The following PNPLA8 variants were observed in gnomAD, a reference collection of about 807,000 sequenced individuals.
The protein encoded by PNPLA8 is calcium-independent phospholipase A2-gamma.
In PNPLA8, 39 loss-of-function variants were observed where a neutral mutation model predicts 76.9. The observed-to-expected ratio is 0.51, with a 90% CI of 0.39 to 0.66. The LOEUF (loss-of-function observed/expected upper bound fraction) is 0.66. Among genes scored for constraint, PNPLA8 ranks in the 30% least tolerant of loss-of-function variants. The probability of loss-of-function intolerance (pLI) is 0.00; values close to 1 mark genes in which losing one functional copy is unlikely to be tolerated. For missense variants in PNPLA8, 887 were observed against 918.0 expected (o/e 0.97, Z 0.44); for synonymous variants, 301 against 307.9 (o/e 0.98, Z 0.24).
intron 2 of PNPLA8, among the ~76,000 whole-genome samples, chr7:108,517,768 C>G (rs1030929104): frequency 1.3e-5 from 2 of 151,936 alleles, no homozygotes; most frequent in African/African-American, 4.8e-5. Flanking sequence ...TATGGGGTGT[C>G]TGTGTGTGTG....
chr7:108,497,583 GA>G lies in PNPLA8; in HGVS notation c.1359-7del. On this transcript the variant is annotated splice_region_variant and splice_polypyrimidine_tract_variant and intron_variant, in intron 5 of 10. Coordinates refer to ENST00000257694, the MANE Select transcript of PNPLA8 (RefSeq NM_001256007.3). ...TCTGGAGAGCAACCACGCCCCTACA[GA>G]AAAGATTAAAGACAAAATGACAATT... 6.5e-7 allele frequency: 1 copy of G among 1,535,214 alleles called. No homozygotes were observed.
At chr7:108,519,840 T>C (rs1264614507) in intron 2 of PNPLA8, among the ~76,000 whole-genome samples, 1 of 152,102 alleles carries the variant, frequency 6.6e-6, no homozygotes, top group Non-Finnish European at 1.5e-5. Flanking sequence ...ACAATTTTAT[T>C]ATTTGCTGCA....
At chr7:108,503,782 A>G (rs1204013857) in intron 4 of PNPLA8, among the ~76,000 whole-genome samples, 2 of 152,170 alleles carry the variant, frequency 1.3e-5, no homozygotes, top group Non-Finnish European at 2.9e-5. Context: ...GGACCAAAAA[A>G]GTGAGTCTGA....
At chr7:108,527,039 C>T (rs1303521401), upstream of PNPLA8, among the ~76,000 whole-genome samples, 1 of 152,186 alleles carries the variant, frequency 6.6e-6, no homozygotes, top group Admixed American at 6.5e-5. Flanking sequence ...GTTGCAATAG[C>T]CCCTTACCCT....
chr7:108,479,335 A>C lies in PNPLA8; in HGVS notation c.1923T>G (p.His641Gln). Reference sequence around the variant, plus strand: ...CATCTGGCCAAAGACATTTACACTCATGCATAGCTAATGCCGAAGGGTTAT... The same window carrying C: ...CATCTGGCCAAAGACATTTACACTCCTGCATAGCTAATGCCGAAGGGTTAT... Reference protein sequence around the residue: ...LLNNPSALAMHECKCLWPDVP... With the variant: ...LLNNPSALAMQECKCLWPDVP... The change falls in exon 10 of 11, where the codon CAT (histidine) becomes CAG (glutamine). Residue 641 changes from histidine to glutamine, a missense_variant. Physicochemically the swap from His to Gln is conservative, Grantham distance 24. Coordinates refer to ENST00000257694, the MANE Select transcript of PNPLA8 (RefSeq NM_001256007.3). 1 of 1,613,730 alleles carries C rather than the reference A, an allele frequency of 6.2e-7. No homozygotes were observed. The highest frequency in any genetic ancestry group is 8.5e-7 in the Non-Finnish European group (1 of 1,179,688).
At chr7:108,496,244 A>C (rs945332572) in intron 7 of PNPLA8, among the ~76,000 whole-genome samples, 1 of 152,170 alleles carries the variant, frequency 6.6e-6, no homozygotes, top group African/African-American at 2.4e-5. Context: ...TCGAAAAACA[A>C]ATAAAAATAA....
intron 10 of PNPLA8, among the ~76,000 whole-genome samples, chr7:108,477,973 G>A (rs982790788): frequency 6.6e-6 from 1 of 152,204 alleles, no homozygotes. Context: ...AACTGGGTAA[G>A]TCAAAGTAAA....
chr7:108,492,307 C>G (rs1191426273), intron 7 of PNPLA8, among the ~76,000 whole-genome samples: 2 of 152,118 alleles, frequency 1.3e-5, no homozygotes, highest in Non-Finnish European at 2.9e-5. Context: ...ATGTAAAATA[C>G]TTTCCAAAAT....
chr7:108,487,649 A>C, intron 9 of PNPLA8, 110 bp downstream of exon 9: 1 of 542,442 alleles, frequency 1.8e-6, no homozygotes, highest in Non-Finnish European at 3.1e-6. Context: ...TGAAGACACA[A>C]AGAAGAAAGT....
intron 6 of PNPLA8, among the ~76,000 whole-genome samples, chr7:108,497,275 T>C (rs948199365): frequency 6.6e-6 from 1 of 152,202 alleles, no homozygotes; most frequent in South Asian, 2.1e-4. Context: ...GCTGATTCCA[T>C]ATCTAGCTAT....
chr7:108,525,920 G>C (rs1864045110), intron 1 of PNPLA8, 109 bp downstream of exon 1: 2 of 373,494 alleles, frequency 5.4e-6, no homozygotes, highest in Non-Finnish European at 7.4e-6. Flanking sequence ...CCTCTCGCTC[G>C]GGAAGTGCCC....
intron 1 of PNPLA8, among the ~76,000 whole-genome samples, chr7:108,524,070 T>C (rs1054289343): frequency 6.6e-6 from 1 of 152,180 alleles, no homozygotes; most frequent in Non-Finnish European, 1.5e-5. Flanking sequence ...CAGTGGGACA[T>C]TCAAATGGAA....
chr7:108,489,653 A>C (rs1210033834), intron 8 of PNPLA8, among the ~76,000 whole-genome samples: 1 of 152,226 alleles, frequency 6.6e-6, no homozygotes, highest in African/African-American at 2.4e-5. Context: ...AAATGAATCC[A>C]AAGTGCCTAG....
intron 8 of PNPLA8, 149 bp downstream of exon 8, chr7:108,491,261 C>T (rs2154515349): frequency 3.6e-6 from 2 of 554,364 alleles, no homozygotes; most frequent in East Asian, 3.0e-5. Context: ...GAGCCGAGAT[C>T]GTGCTATTGC....
chr7:108,497,479 T>C lies in PNPLA8; in HGVS notation c.1453+4A>G. The C allele has an allele frequency of 6.4e-7, 1 of 1,556,948 alleles. No homozygotes were observed. The highest frequency in any genetic ancestry group is 8.8e-7 in the Non-Finnish European group (1 of 1,134,380). The stretch of plus-strand genomic sequence containing the variant: ...ATGCACCACTTCCATATAATAATAA[T>C]TACCTGTGCTTACACCACAAATGTA... On this transcript the variant is annotated splice_donor_region_variant and intron_variant, in intron 6 of 10. Coordinates refer to ENST00000257694, the MANE Select transcript of PNPLA8 (RefSeq NM_001256007.3).
intron 2 of PNPLA8, among the ~76,000 whole-genome samples, chr7:108,520,005 C>T (rs191434344): frequency 2.0e-5 from 3 of 152,140 alleles, no homozygotes; most frequent in African/African-American, 4.8e-5. Context: ...CAGTTATTGC[C>T]GCTCGAGAGA....
chr7:108,507,341 C>CAAAAAAAAAA (rs66685490), intron 4 of PNPLA8, among the ~76,000 whole-genome samples: 1 of 45,368 alleles, frequency 2.2e-5, no homozygotes, highest in Non-Finnish European at 3.7e-5. Context: ...GACTCTGTCT[C>CAAAAAAAAAA]AAAAAAAAAA....
chr7:108,481,300 G>T (rs1352844262), intron 9 of PNPLA8, among the ~76,000 whole-genome samples: 1 of 152,186 alleles, frequency 6.6e-6, no homozygotes, highest in Non-Finnish European at 1.5e-5. Flanking sequence ...TTTTCAAAGT[G>T]GTTGTCCATT....
chr7:108,514,947 T>C lies in PNPLA8; in HGVS notation c.545A>G (p.Glu182Gly), dbSNP rs748623897. ...EEKSHIIDKE[E>G]DIGKRSLFHY... ...AAAAAGACTGCGTTTACCTATATCT[T>C]CTTCTTTGTCTATAATGTGACTTTT... Residue 182 changes from glutamate to glycine, a missense_variant, in exon 3 of 11, where the codon GAA (glutamate) becomes GGA (glycine). Coordinates refer to ENST00000257694, the MANE Select transcript of PNPLA8 (RefSeq NM_001256007.3). The C allele has an allele frequency of 1.2e-6, 2 of 1,609,358 alleles. No homozygotes were observed. Among genetic ancestry groups the C allele is most frequent in the South Asian group, 2.2e-5 (2 of 90,548 alleles).
Sources: allele counts gnomAD v4.1 joint callset (sites outside exome capture counted in the v4.1 genomes callset), GRCh38; gene constraint gnomAD v4.1.1; transcripts MANE v1.5; gene names NCBI Gene and HGNC (gene_info 2026-07-23, HGNC 2026-07-21).